Variants in ACKR3 observed in about 807,000 individuals in gnomAD.
ACKR3 encodes the protein atypical chemokine receptor 3.
Under a neutral mutation model 22.4 loss-of-function variants are expected in ACKR3, and 6 were observed. The ratio of observed to expected loss-of-function variants is 0.27; its 90% CI spans 0.15 to 0.53. The LOEUF (loss-of-function observed/expected upper bound fraction) is 0.53, where lower values mean the gene tolerates loss of function less well. Among genes scored for constraint, ACKR3 ranks in the 20% least tolerant of loss-of-function variants. The probability of loss-of-function intolerance (pLI) is 0.96; values close to 1 mark genes in which losing one functional copy is unlikely to be tolerated. For missense variants in ACKR3, 396 were observed against 475.2 expected, an observed-to-expected ratio of 0.83 and a Z score of 1.55; for synonymous variants, 209 against 205.2, an observed-to-expected ratio of 1.02 and a Z score of -0.16.
rs1363315680 is a variant in ACKR3, at chr2:236,577,952, C to G, written c.-26-2488C>G. ...GTCCTCCATTCAAGCTCCTCTGCTCCCCGGGACTCTGGGGTCAGATGAGAT... is the reference window on the plus strand; with the variant it reads ...GTCCTCCATTCAAGCTCCTCTGCTCGCCGGGACTCTGGGGTCAGATGAGAT... On this transcript the variant is annotated intron_variant, in intron 1 of 1. Coordinates refer to ENST00000272928, the MANE Select transcript of ACKR3 (RefSeq NM_020311.3). The surrounding 1 kb of genome is among the most constrained non-coding windows in gnomAD (Gnocchi z 5.6). Among the ~76,000 whole-genome samples, 1 of 152,200 alleles carries G rather than the reference C, an allele frequency of 6.6e-6. No homozygotes were observed. Among genetic ancestry groups the G allele is most frequent in the Non-Finnish European group, 1.5e-5 (1 of 68,034 alleles).
upstream of ACKR3, among the ~76,000 whole-genome samples, chr2:236,564,935 T>C (rs987815056): frequency 2.6e-5 from 4 of 152,032 alleles, no homozygotes; most frequent in Non-Finnish European, 4.4e-5. Flanking sequence ...GAAGATAAAA[T>C]GAAAGAAGAT....
At chr2:236,545,731 A>G in the ACKR3 span, among the ~76,000 whole-genome samples, 2 of 152,224 alleles carry the variant, frequency 1.3e-5, no homozygotes, top group African/African-American at 2.4e-5. The surrounding 1 kb of genome is among the most constrained non-coding windows in gnomAD (Gnocchi z 5.3). Flanking sequence ...GATGTAAAAT[A>G]AAACCCCTGG....
At chr2:236,563,439 C>T (rs1009491079), upstream of ACKR3, among the ~76,000 whole-genome samples, 2 of 151,660 alleles carry the variant, frequency 1.3e-5, no homozygotes, top group Admixed American at 6.6e-5. Context: ...GTAAGTGCCA[C>T]GAAAAAATAG....
the ACKR3 span, among the ~76,000 whole-genome samples, chr2:236,560,271 G>A: frequency 2.0e-5 from 3 of 148,342 alleles, no homozygotes; most frequent in Non-Finnish European, 4.4e-5. Flanking sequence ...TGCCAACAGT[G>A]TGTAAGGGTC....
At chr2:236,540,768 C>T in the ACKR3 span, among the ~76,000 whole-genome samples, 5 of 152,138 alleles carry the variant, frequency 3.3e-5, no homozygotes, top group Non-Finnish European at 5.9e-5. Flanking sequence ...CCTCATTGAT[C>T]GCATTGGTGT....
At position 236,580,471 on chromosome 2, in the gene ACKR3, T is replaced by C; in HGVS notation, c.6T>C (p.Asp2=). 6.2e-7 allele frequency: 1 copy of C among 1,610,348 alleles called. No homozygotes were observed. Among genetic ancestry groups the C allele is most frequent in the Non-Finnish European group, 8.5e-7 (1 of 1,176,718 alleles). M[D]LHLFDYSEPG... is the part of the protein sequence containing the mutation. ...TGATTGCCCGCCTCAGAACGATGGA[T>C]CTGCATCTCTTCGACTACTCAGAGC... The change falls in exon 2 of 2, where the codon GAT becomes GAC. Residue 2 remains aspartate, a synonymous_variant. Coordinates refer to ENST00000272928, the MANE Select transcript of ACKR3 (RefSeq NM_020311.3).
rs1203783804 is a variant in ACKR3, at chr2:236,581,269, C to G, written c.804C>G (p.Tyr268Ter). 6.2e-7 allele frequency: 1 copy of G among 1,614,106 alleles called. No homozygotes were observed. Among genetic ancestry groups the G allele is most frequent in the Non-Finnish European group, 8.5e-7 (1 of 1,179,958 alleles). The change falls in exon 2 of 2, where the codon TAC (tyrosine) becomes TAG (stop). Residue 268 changes from tyrosine to a stop codon, truncating the protein, a stop_gained. Transcript: ENST00000272928. LOFTEE classifies it high-confidence loss of function. This position sits in a 1 kb window ranked among gnomAD's most constrained non-coding sequence, Gnocchi z 4.4. ...VVVFLVCWLP[Y>*]HVAVLLDIFS... ...TCTTCCTTGTCTGCTGGCTGCCCTA[C>G]CACGTGGCGGTGCTGCTGGACATCT...
intron 1 of ACKR3, among the ~76,000 whole-genome samples, chr2:236,570,671 T>C (rs1691290507): frequency 6.6e-6 from 1 of 152,190 alleles, no homozygotes; most frequent in African/African-American, 2.4e-5. Context: ...TTAAATATAC[T>C]CTTCAGGTAA....
chr2:236,546,956 A>G, the ACKR3 span, among the ~76,000 whole-genome samples: 3 of 152,238 alleles, frequency 2.0e-5, no homozygotes, highest in Admixed American at 2.0e-4. This position sits in a 1 kb window ranked among gnomAD's most constrained non-coding sequence, Gnocchi z 4.9. Flanking sequence ...TCAATGCAGC[A>G]TTGGCCCTGT....
At chr2:236,548,422 A>C in the ACKR3 span, among the ~76,000 whole-genome samples, 2 of 152,330 alleles carry the variant, frequency 1.3e-5, no homozygotes, top group East Asian at 1.9e-4. The surrounding 1 kb of genome is among the most constrained non-coding windows in gnomAD (Gnocchi z 4.3). Context: ...CTAAACCCAC[A>C]TAAAGTCTGG....
At chr2:236,551,208 G>A in the ACKR3 span, among the ~76,000 whole-genome samples, 2 of 152,198 alleles carry the variant, frequency 1.3e-5, no homozygotes, top group African/African-American at 2.4e-5. Flanking sequence ...TCAGCCTCCC[G>A]GTGCTCCGGG....
chr2:236,549,261 C>T, the ACKR3 span, among the ~76,000 whole-genome samples: 1 of 152,226 alleles, frequency 6.6e-6, no homozygotes, highest in African/African-American at 2.4e-5. The surrounding 1 kb of genome is among the most constrained non-coding windows in gnomAD (Gnocchi z 5.3). Context: ...CAGCTTCCAC[C>T]TTTGCCAGCC....
chr2:236,541,364 C>T, the ACKR3 span, among the ~76,000 whole-genome samples: 1 of 152,290 alleles, frequency 6.6e-6, no homozygotes, highest in African/African-American at 2.4e-5. Flanking sequence ...AAACATCCCT[C>T]GTCTGACACA....
the ACKR3 span, among the ~76,000 whole-genome samples, chr2:236,543,914 T>C: frequency 7.0e-6 from 1 of 142,048 alleles, no homozygotes; most frequent in African/African-American, 2.5e-5. Context: ...GTTACAGATA[T>C]GTGCAATTTT....
chr2:236,539,218 A>G, the ACKR3 span, among the ~76,000 whole-genome samples: 8 of 149,538 alleles, frequency 5.3e-5, no homozygotes, highest in African/African-American at 1.7e-4. Context: ...TAATACTTCT[A>G]TGAGTTTTGA....
chr2:236,557,581 G>A, the ACKR3 span, among the ~76,000 whole-genome samples: 1 of 152,200 alleles, frequency 6.6e-6, no homozygotes, highest in African/African-American at 2.4e-5. Context: ...TAAATACTGA[G>A]AGTAATGGAT....
the ACKR3 span, among the ~76,000 whole-genome samples, chr2:236,541,751 G>A: frequency 6.6e-6 from 1 of 152,276 alleles, no homozygotes; most frequent in Admixed American, 6.5e-5. Flanking sequence ...GGAGATAATT[G>A]AATTATGGTG....
At chr2:236,547,165 G>A in the ACKR3 span, among the ~76,000 whole-genome samples, 1 of 152,188 alleles carries the variant, frequency 6.6e-6, no homozygotes, top group Non-Finnish European at 1.5e-5. Flanking sequence ...TCTAGAAACT[G>A]CAGAAAACCT....
chr2:236,557,602 G>C, the ACKR3 span, among the ~76,000 whole-genome samples: 1 of 152,114 alleles, frequency 6.6e-6, no homozygotes, highest in Admixed American at 6.5e-5. Flanking sequence ...TATAACTCAC[G>C]AAATAGAACA....
Sources: allele counts gnomAD v4.1 joint callset (sites outside exome capture counted in the v4.1 genomes callset), GRCh38; gene constraint gnomAD v4.1.1; non-coding constraint Gnocchi (gnomAD v3.1); transcripts MANE v1.5; gene names NCBI Gene and HGNC (gene_info 2026-07-23, HGNC 2026-07-21).